Variants in EPC1 observed in about 807,000 individuals in gnomAD.
EPC1 encodes enhancer of polycomb homolog 1.
Under a neutral mutation model 98.4 loss-of-function variants are expected in EPC1, and 12 were observed. The observed-to-expected ratio is 0.12, with a 90% CI of 0.08 to 0.20. The LOEUF is 0.20. EPC1 is among the 10% of genes least tolerant of loss of function. The pLI, the probability that EPC1 is intolerant of heterozygous loss-of-function variation, is 1.00. For missense variants in EPC1, 729 were observed against 990.5 expected, an observed-to-expected ratio of 0.74 and a Z score of 3.54; for synonymous variants, 357 against 363.9, an observed-to-expected ratio of 0.98 and a Z score of 0.21.
Position 32,285,057 on chromosome 10 carries a change from A to C in EPC1, c.1392-7T>G. On this transcript the variant is annotated splice_polypyrimidine_tract_variant and splice_region_variant and intron_variant, in intron 9 of 13. Coordinates refer to ENST00000319778, the MANE Select transcript of EPC1 (RefSeq NM_001272004.3). ...AGCTCTGTCCAGTAAGACCCTATTA[A>C]AAAATCAGACAAGAAACAGTTATTT... is the stretch of plus-strand genomic sequence containing the variant. The C allele has an allele frequency of 1.3e-6, 2 of 1,592,854 alleles. No individual in the cohort carries two copies. The highest frequency in any genetic ancestry group is 1.7e-6 in the Non-Finnish European group (2 of 1,167,260).
intron 1 of EPC1, among the ~76,000 whole-genome samples, chr10:32,337,251 G>C (rs987488848): frequency 1.3e-5 from 2 of 152,188 alleles, no homozygotes; most frequent in African/African-American, 2.4e-5. Context: ...CCTTCTGAGG[G>C]TTCTACTTGA....
chr10:32,327,084 C>CAT (rs1554822844), intron 1 of EPC1, among the ~76,000 whole-genome samples: 2,069 of 150,028 alleles, frequency 0.014, 57 homozygotes, highest in African/African-American at 0.048. Context: ...CACACACACA[C>CAT]ACACACTCAC....
Position 32,362,128 on chromosome 10 carries a change from T to G in EPC1, c.3+16363A>C, listed in dbSNP as rs80226796. Among the ~76,000 whole-genome samples, 708 of 152,320 alleles carry G rather than the reference T, an allele frequency of 4.6e-3. 6 individuals are homozygous for G. Among genetic ancestry groups the G allele is most frequent in the Middle Eastern group, 0.017 (5 of 294 alleles). The stretch of plus-strand genomic sequence containing the variant: ...TGCTCTGTGTGTGGAGTAGCCATTC[T>G]TTTATTCCTTTACTTTCTAAACTCA... On this transcript the variant is annotated intron_variant, in intron 1 of 13. Transcript: ENST00000375110.
chr10:32,294,213 A>T (rs1050583175), intron 2 of EPC1, among the ~76,000 whole-genome samples: 2 of 152,200 alleles, frequency 1.3e-5, no homozygotes, highest in Non-Finnish European at 1.5e-5. Flanking sequence ...AGTGGTCTTT[A>T]AAGTTGAAGT....
At chr10:32,322,890 G>C (rs779782294) in intron 1 of EPC1, among the ~76,000 whole-genome samples, 24 of 152,236 alleles carry the variant, frequency 1.6e-4, no homozygotes, top group East Asian at 1.4e-3. Context: ...AACACAGTTA[G>C]ATGGAATAAG....
chr10:32,331,864 G>A (rs565855861), intron 1 of EPC1, among the ~76,000 whole-genome samples: 9 of 152,246 alleles, frequency 5.9e-5, no homozygotes, highest in Admixed American at 2.6e-4. Context: ...TTTTGGGGGA[G>A]GCCTTAACAT....
chr10:32,374,144 G>A (rs1357069322), intron 1 of EPC1, among the ~76,000 whole-genome samples: 1 of 151,916 alleles, frequency 6.6e-6, no homozygotes, highest in Non-Finnish European at 1.5e-5. Flanking sequence ...TTAGCTAAGT[G>A]TTGAATTATA....
rs78109245 is a variant in EPC1, at chr10:32,277,700, C to T, written c.1745-4419G>A. Among the ~76,000 whole-genome samples, 18 of 152,108 alleles carry T rather than the reference C, an allele frequency of 1.2e-4. No homozygotes were observed. The East Asian group carries it at 3.1e-3, about 26-fold the overall frequency. Reference sequence around the variant, plus strand: ...CTCAGCCTCCCAAGTAGCTCTAGCTCGGACTACAGGCGAGCATCACTATGC... The same window carrying T: ...CTCAGCCTCCCAAGTAGCTCTAGCTTGGACTACAGGCGAGCATCACTATGC... On this transcript the variant is annotated intron_variant, in intron 10 of 13. Transcript: ENST00000319778.
At chr10:32,293,291 CATT>C (rs1272602045) in intron 3 of EPC1, 97 bp from the exon 4 acceptor site, 1 of 975,264 alleles carries the variant, frequency 1.0e-6, no homozygotes, top group Non-Finnish European at 1.5e-6. Flanking sequence ...AATATTACAA[CATT>C]ATTAACAAAT....
rs762133321 is a variant in EPC1 at position 32,346,849 on chromosome 10, C to T, written c.67G>A (p.Glu23Lys). 2 of 1,614,196 alleles carry T rather than the reference C, an allele frequency of 1.2e-6. No individual in the cohort carries two copies. The highest frequency in any genetic ancestry group is 8.5e-7 in the Non-Finnish European group (1 of 1,180,024). Residue 23 changes from glutamate to lysine, a missense_variant, in exon 1 of 14, where the codon GAG becomes AAG. By Grantham distance (56) the Glu-to-Lys change is moderately conservative. Coordinates refer to ENST00000319778, the MANE Select transcript of EPC1 (RefSeq NM_001272004.3). ...ASKPLPVFRCEDLPDLHEYAS... is the reference protein window; with the variant it reads ...ASKPLPVFRCKDLPDLHEYAS... ...TATTCGTGCAGGTCGGGCAGATCCTCACAGCGGAAAACCGGCAGCGGCTTC... is the reference window on the plus strand; with the variant it reads ...TATTCGTGCAGGTCGGGCAGATCCTTACAGCGGAAAACCGGCAGCGGCTTC...
chr10:32,375,583 T>A (rs1375607709), intron 1 of EPC1, among the ~76,000 whole-genome samples: 1 of 152,090 alleles, frequency 6.6e-6, no homozygotes, highest in Non-Finnish European at 1.5e-5. Context: ...AGATTCTCCA[T>A]GTCTTTGGCA....
At chr10:32,295,576 T>G (rs1011073626) in intron 2 of EPC1, among the ~76,000 whole-genome samples, 1 of 152,140 alleles carries the variant, frequency 6.6e-6, no homozygotes, top group African/African-American at 2.4e-5. Context: ...TTGTCATTAT[T>G]ACGTAAACAG....
intron 10 of EPC1, among the ~76,000 whole-genome samples, chr10:32,278,728 G>A (rs1211154802): frequency 1.3e-5 from 2 of 152,106 alleles, no homozygotes; most frequent in South Asian, 2.1e-4. Flanking sequence ...TAAAACAAAA[G>A]GTAAAATGAT....
Position 32,273,282 on chromosome 10 carries a change from C to T in EPC1, c.1745-1G>A. ...TGCTGGTATTGTTCGGCTGTAAATG[C>T]TGAACATAAAATAAAGAAACACTTT... On this transcript the variant is annotated splice_acceptor_variant, in intron 10 of 13. Coordinates refer to ENST00000319778, the MANE Select transcript of EPC1 (RefSeq NM_001272004.3). LOFTEE classifies it high-confidence loss of function. The T allele has an allele frequency of 6.2e-7, 1 of 1,613,752 alleles. No individual in the cohort carries two copies. Among genetic ancestry groups the T allele is most frequent in the South Asian group, 1.1e-5 (1 of 91,054 alleles).
chr10:32,322,325 AATAAT>A (rs2132914367), intron 1 of EPC1, among the ~76,000 whole-genome samples: 1 of 152,224 alleles, frequency 6.6e-6, no homozygotes, highest in South Asian at 2.1e-4. Context: ...ATGGAAACAA[AATAAT>A]ATAATCTTTT....
chr10:32,293,929 T>C (rs1834992739), intron 2 of EPC1, among the ~76,000 whole-genome samples, 192 bp from the exon 3 acceptor site: 1 of 152,206 alleles, frequency 6.6e-6, no homozygotes, highest in African/African-American at 2.4e-5. Context: ...AAGGAGATTA[T>C]CTTTACTATG....
rs187191636 is a variant in EPC1, at chr10:32,321,689, T to G, written c.154-15758A>C. ...TATGTTCAGACCCTTTATTAGATAC[T>G]TCATGTTCACTCTGAAGACTGATTA... is the stretch of plus-strand genomic sequence containing the variant. On this transcript the variant is annotated intron_variant, in intron 1 of 13. Coordinates refer to ENST00000319778, the MANE Select transcript of EPC1 (RefSeq NM_001272004.3). Among the ~76,000 whole-genome samples, 743 of 152,096 alleles carry G rather than the reference T, an allele frequency of 4.9e-3. 7 individuals are homozygous for G. The highest frequency in any genetic ancestry group is 0.017 in the African/African-American group (712 of 41,526).
chr10:32,372,747 C>T (rs1161592685), intron 1 of EPC1, among the ~76,000 whole-genome samples: 2 of 152,240 alleles, frequency 1.3e-5, no homozygotes, highest in Non-Finnish European at 2.9e-5. Context: ...TCAGGCCGGG[C>T]GCGGTGGCCC....
intron 9 of EPC1, chr10:32,286,355 TGCAG>T: frequency 1.6e-5 from 4 of 249,280 alleles, no homozygotes; most frequent in Non-Finnish European, 2.3e-5. Flanking sequence ...ACAACTTTTT[TGCAG>T]TTTCTTTAAC....
Sources: gnomAD v4.1 joint callset for allele counts (sites outside exome capture counted in the v4.1 genomes callset) on GRCh38, gnomAD v4.1.1 for gene constraint, MANE v1.5 for transcripts, NCBI Gene and HGNC (gene_info 2026-07-23, HGNC 2026-07-21) for gene names.